The following AQP1 variants were observed in gnomAD, a reference collection of about 807,000 sequenced individuals.
AQP1 encodes the protein aquaporin 1 (Colton blood group), also known as aquaporin-1.
Under a neutral mutation model 19.7 loss-of-function variants are expected in AQP1, and 11 were observed. The observed-to-expected ratio is 0.56, with a 90% CI of 0.35 to 0.92. The LOEUF is 0.92. AQP1 is among the 40% of genes least tolerant of loss of function. AQP1 has a pLI of 0.01. For missense variants in AQP1, 320 were observed against 369.7 expected, an observed-to-expected ratio of 0.87 and a Z score of 1.10; for synonymous variants, 159 against 166.7, an observed-to-expected ratio of 0.95 and a Z score of 0.36.
chr7:30,918,267 C>CA (rs1584385197), intron 1 of AQP1, among the ~76,000 whole-genome samples: 1 of 152,220 alleles, frequency 6.6e-6, no homozygotes, highest in Non-Finnish European at 1.5e-5. Context: ...GCTGGGATTA[C>CA]AGGCGTGAGC....
chr7:30,914,082 A>G (rs1791246426), intron 1 of AQP1, among the ~76,000 whole-genome samples: 1 of 152,150 alleles, frequency 6.6e-6, no homozygotes, highest in African/African-American at 2.4e-5. Flanking sequence ...CATCCGAGGC[A>G]GAGGCGGGAG....
chr7:30,922,495 C>T, intron 2 of AQP1, 69 bp from the exon 3 acceptor site: 1 of 1,474,246 alleles, frequency 6.8e-7, no homozygotes, highest in Non-Finnish European at 9.5e-7. Flanking sequence ...CCAACCTCTC[C>T]CTCCTCTCAC....
At chr7:30,913,770 T>C (rs991580210) in intron 1 of AQP1, among the ~76,000 whole-genome samples, 5 of 152,104 alleles carry the variant, frequency 3.3e-5, no homozygotes, top group Non-Finnish European at 5.9e-5. Context: ...GGGCTGGAGT[T>C]TAGACTTTAG....
Sources: gnomAD v4.1 joint callset for allele counts (sites outside exome capture counted in the v4.1 genomes callset) on GRCh38, gnomAD v4.1.1 for gene constraint, MANE v1.5 for transcripts, NCBI Gene and HGNC (gene_info 2026-07-23, HGNC 2026-07-21) for gene names.